Variants in ALG9 observed in about 807,000 individuals in gnomAD.
The protein encoded by ALG9 is ALG9 alpha-1,2-mannosyltransferase.
In ALG9, 55 loss-of-function variants were observed where a neutral mutation model predicts 81.8. The observed-to-expected ratio is 0.67, with a 90% CI of 0.54 to 0.84. ALG9 has a LOEUF of 0.84. ALG9 is among the 40% of genes least tolerant of loss of function. The pLI is 0.00. For missense variants in ALG9, 629 were observed against 745.0 expected, an observed-to-expected ratio of 0.84 and a Z score of 1.81; for synonymous variants, 278 against 274.3, an observed-to-expected ratio of 1.01 and a Z score of -0.13.
rs1259933536 is a variant in ALG9, at chr11:111,784,281, G to A, written c.*2116C>T. The stretch of plus-strand genomic sequence containing the variant: ...ACTGTCTAGACCTATTACCTCTCCA[G>A]CGCTTCAACTCCGTCTCTGATATTC... On this transcript the variant is annotated 3_prime_UTR_variant, in exon 15 of 15. Transcript: ENST00000616540. 1 of 152,170 alleles carries A rather than the reference G, an allele frequency of 6.6e-6. No homozygotes were observed. The highest frequency in any genetic ancestry group is 1.5e-5 in the Non-Finnish European group (1 of 68,038). 9.4% of individuals were successfully genotyped at this position (152,170 alleles called of 1,614,324 possible). A position where few individuals can be genotyped will look rare whatever the true frequency, so the allele number is the denominator to read the frequency against.
the ALG9 span, among the ~76,000 whole-genome samples, chr11:111,776,967 G>A: frequency 1.9e-4 from 29 of 152,320 alleles, no homozygotes; most frequent in Non-Finnish European, 2.6e-4. Flanking sequence ...TAATGAATTA[G>A]CATCTGAAGG....
At chr11:111,822,110 T>C (rs1455768314) in intron 13 of ALG9, among the ~76,000 whole-genome samples, 2 of 152,008 alleles carry the variant, frequency 1.3e-5, no homozygotes, top group Admixed American at 6.6e-5. Context: ...AAAAACAGAC[T>C]ATAATAATGC....
the ALG9 span, among the ~76,000 whole-genome samples, chr11:111,775,065 G>A: frequency 6.6e-6 from 1 of 152,162 alleles, no homozygotes; most frequent in Non-Finnish European, 1.5e-5. Context: ...TGGGATTACA[G>A]GCATGAGCCA....
intron 14 of ALG9, among the ~76,000 whole-genome samples, chr11:111,792,233 T>C (rs1947548769): frequency 6.6e-6 from 1 of 152,250 alleles, no homozygotes; most frequent in African/African-American, 2.4e-5. Context: ...GTTAACTAGT[T>C]TATTATCTGC....
intron 10 of ALG9, among the ~76,000 whole-genome samples, chr11:111,838,712 T>C (rs190781045): frequency 3.3e-5 from 5 of 152,330 alleles, no homozygotes; most frequent in East Asian, 1.9e-4. Context: ...AGTTTTGATA[T>C]ATAAAGTATT....
At chr11:111,853,527 C>A in intron 7 of ALG9, 42 bp from the exon 8 acceptor site, 1 of 1,585,218 alleles carries the variant, frequency 6.3e-7, no homozygotes, top group Non-Finnish European at 8.7e-7. Flanking sequence ...GAAACATTCT[C>A]AAAATGCTAA....
the ALG9 span, among the ~76,000 whole-genome samples, chr11:111,770,175 A>C: frequency 6.6e-6 from 1 of 152,212 alleles, no homozygotes; most frequent in Non-Finnish European, 1.5e-5. Flanking sequence ...TGACCGTCTG[A>C]ATCACTTAAG....
intron 9 of ALG9, 112 bp from the exon 10 acceptor site, chr11:111,840,921 A>G: frequency 7.8e-7 from 1 of 1,277,578 alleles, no homozygotes; most frequent in Non-Finnish European, 1.1e-6. Context: ...GACACTCCAT[A>G]GAATGTTTCT....
rs1555117596 is a variant in ALG9, at chr11:111,836,288, C to T, written c.1479G>A (p.Gln493=). Residue 493 remains glutamine, a synonymous_variant, in exon 13 of 15, where the codon CAG becomes CAA. Transcript: ENST00000616540. The part of the protein sequence containing the change: ...PSSFLLPDNW[Q]LQFIPSEFRG... ...TGAACTCTGATGGAATGAACTGAAG[C>T]TGCCAACTGTCAGAAACACAAGGAG... The T allele has an allele frequency of 6.2e-7, 1 of 1,613,868 alleles. No homozygotes were observed. The highest frequency in any genetic ancestry group is 1.3e-5 in the African/African-American group (1 of 74,900).
intron 4 of ALG9, chr11:111,864,313 G>A: frequency 1.1e-6 from 1 of 940,188 alleles, no homozygotes; most frequent in Non-Finnish European, 1.8e-6. Context: ...CCCGGCTGGA[G>A]GCCAGGCTCA....
In ALG9 at chr11:111,786,323, T is replaced by G; in HGVS notation, c.*74A>C. On this transcript the variant is annotated 3_prime_UTR_variant, in exon 15 of 15. Coordinates refer to ENST00000616540, the MANE Select transcript of ALG9 (RefSeq NM_024740.2). ...CCTTTATTACAAATGTTACAGGCGA[T>G]GACTTGCAGGGAGTCAGGTCACTGG... 6.2e-7 allele frequency: 1 copy of G among 1,604,012 alleles called. No individual in the cohort carries two copies. The highest frequency in any genetic ancestry group is 1.1e-5 in the South Asian group (1 of 90,454).
chr11:111,810,229 G>A (rs1194289658), intron 13 of ALG9, among the ~76,000 whole-genome samples: 1 of 152,234 alleles, frequency 6.6e-6, no homozygotes, highest in African/African-American at 2.4e-5. Context: ...CAGGGGTACA[G>A]AAATATCATG....
At chr11:111,830,253 T>C (rs926727998) in intron 13 of ALG9, among the ~76,000 whole-genome samples, 2 of 152,130 alleles carry the variant, frequency 1.3e-5, no homozygotes, top group African/African-American at 4.8e-5. Flanking sequence ...AAGGGAAAAA[T>C]TTCAAGTATT....
downstream of ALG9, among the ~76,000 whole-genome samples, chr11:111,779,057 G>A (rs192209705): frequency 5.9e-5 from 9 of 152,038 alleles, no homozygotes; most frequent in African/African-American, 1.2e-4. Flanking sequence ...CAGGTGATCC[G>A]CCCACCACAG....
At chr11:111,794,634 T>C (rs1555073587) in intron 14 of ALG9, among the ~76,000 whole-genome samples, 1 of 152,030 alleles carries the variant, frequency 6.6e-6, no homozygotes, top group African/African-American at 2.4e-5. Context: ...CTCTCCTCTC[T>C]TTCTGTTTTT....
intron 14 of ALG9, among the ~76,000 whole-genome samples, chr11:111,798,775 G>A (rs1172672808): frequency 6.6e-6 from 1 of 152,168 alleles, no homozygotes; most frequent in African/African-American, 2.4e-5. Context: ...TTGCAGTTCT[G>A]GTACTAGTTG....
At chr11:111,856,758 G>A (rs1355451192) in intron 6 of ALG9, among the ~76,000 whole-genome samples, 1 of 151,932 alleles carries the variant, frequency 6.6e-6, no homozygotes, top group Non-Finnish European at 1.5e-5. Context: ...AGAAGTAGTG[G>A]GAACAAAGAG....
chr11:111,838,446 A>G (rs782402964), intron 10 of ALG9, 47 bp from the exon 11 acceptor site: 2 of 1,527,518 alleles, frequency 1.3e-6, no homozygotes, highest in Non-Finnish European at 1.8e-6. Flanking sequence ...ATTACAAGAC[A>G]TCACAGTAAC....
intron 9 of ALG9, among the ~76,000 whole-genome samples, chr11:111,842,249 T>C (rs1277330619): frequency 3.9e-5 from 6 of 152,122 alleles, no homozygotes; most frequent in Non-Finnish European, 8.8e-5. Flanking sequence ...TGTCCACAAG[T>C]AAACAGTCCT....
Sources: allele counts gnomAD v4.1 joint callset (sites outside exome capture counted in the v4.1 genomes callset), GRCh38; gene constraint gnomAD v4.1.1; transcripts MANE v1.5; gene names NCBI Gene and HGNC (gene_info 2026-07-23, HGNC 2026-07-21).